Variants in TIMP2 observed in about 807,000 individuals in gnomAD.
TIMP2 encodes TIMP metallopeptidase inhibitor 2, also known as metalloproteinase inhibitor 2.
In TIMP2, 5 loss-of-function variants were observed where a neutral mutation model predicts 24.3. The observed-to-expected ratio is 0.21, with a 90% CI of 0.11 to 0.43. TIMP2 has a LOEUF of 0.43. Among genes scored for constraint, TIMP2 ranks in the 20% least tolerant of loss-of-function variants. TIMP2 has a pLI of 1.00. For missense variants in TIMP2, 221 were observed against 297.5 expected, an observed-to-expected ratio of 0.74 and a Z score of 1.89; for synonymous variants, 130 against 123.2, an observed-to-expected ratio of 1.06 and a Z score of -0.37.
At chr17:78,885,671 G>A (rs1338766291) in intron 1 of TIMP2, among the ~76,000 whole-genome samples, 1 of 152,056 alleles carries the variant, frequency 6.6e-6, no homozygotes, top group Non-Finnish European at 1.5e-5. Context: ...CTGGAAGCTG[G>A]GTGTGAGGGG....
intron 1 of TIMP2, chr17:78,898,218 G>C (rs1288216886): frequency 2.0e-5 from 3 of 152,214 alleles, no homozygotes; most frequent in Admixed American, 1.3e-4. Context: ...CTCACCATAG[G>C]AGGTGAGGCC....
chr17:78,853,304 G>T lies in TIMP2; in HGVS notation c.*2363C>A, dbSNP rs184967828. Reference sequence around the variant, plus strand: ...TGCTTGCAGGATGAAAATAGGAGAAGAGAGCTGTGCTTAGAACATAACATA... The same window carrying T: ...TGCTTGCAGGATGAAAATAGGAGAATAGAGCTGTGCTTAGAACATAACATA... On this transcript the variant is annotated 3_prime_UTR_variant, in exon 5 of 5. Transcript: ENST00000262768. 319 of 152,770 alleles carry T rather than the reference G, an allele frequency of 2.1e-3. 3 individuals are homozygous for T. The highest frequency in any genetic ancestry group is 6.2e-4 in the Non-Finnish European group (42 of 68,036). 9.5% of individuals were successfully genotyped at this position (152,770 alleles called of 1,614,324 possible).
chr17:78,878,793 C>G (rs2069752840), intron 1 of TIMP2, among the ~76,000 whole-genome samples: 1 of 152,150 alleles, frequency 6.6e-6, no homozygotes, highest in Non-Finnish European at 1.5e-5. Context: ...TCTCCATCTC[C>G]CCTGGGCTGC....
rs549153650 is a variant in TIMP2 at position 78,890,641 on chromosome 17, G to A, written c.131-16722C>T. On this transcript the variant is annotated intron_variant, in intron 1 of 4. Coordinates refer to ENST00000262768, the MANE Select transcript of TIMP2 (RefSeq NM_003255.5). ...ACCCCGGGTGGGCCTCTCGCATTTA[G>A]CATATGTTCTGAAACTCCCGCAAGC... 5.8e-6 allele frequency: 9 copies of A among 1,549,600 alleles called. No individual in the cohort carries two copies. The Admixed American group carries it at 7.8e-5, about 14-fold the overall frequency.
At chr17:78,865,802 A>C (rs2069608431) in intron 3 of TIMP2, among the ~76,000 whole-genome samples, 1 of 152,142 alleles carries the variant, frequency 6.6e-6, no homozygotes, top group Non-Finnish European at 1.5e-5. Context: ...GAACAAAAAC[A>C]AAAACAAACA....
intron 3 of TIMP2, 141 bp downstream of exon 3, chr17:78,870,757 G>C: frequency 1.8e-6 from 1 of 564,018 alleles, no homozygotes; most frequent in Non-Finnish European, 3.1e-6. Context: ...AAGTGGCCGA[G>C]AGGGCTCCGT....
At chr17:78,890,172 G>C (rs919647564) in intron 1 of TIMP2, among the ~76,000 whole-genome samples, 1 of 151,092 alleles carries the variant, frequency 6.6e-6, no homozygotes, top group Non-Finnish European at 1.5e-5. Flanking sequence ...GTGAGGGAAT[G>C]TGCCCTGGAG....
intron 1 of TIMP2, among the ~76,000 whole-genome samples, chr17:78,902,969 C>T (rs1258165144): frequency 6.6e-6 from 1 of 152,252 alleles, no homozygotes; most frequent in Non-Finnish European, 1.5e-5. Flanking sequence ...GACTTTGCCG[C>T]TGGCCTTGCG....
At chr17:78,866,408 T>TAA (rs1408099295) in intron 3 of TIMP2, among the ~76,000 whole-genome samples, 4 of 152,090 alleles carry the variant, frequency 2.6e-5, no homozygotes, top group African/African-American at 9.6e-5. Flanking sequence ...TTTCTTATTG[T>TAA]AAAAATCATA....
intron 1 of TIMP2, among the ~76,000 whole-genome samples, chr17:78,909,721 C>T (rs573606256): frequency 3.0e-4 from 45 of 152,290 alleles, no homozygotes; most frequent in African/African-American, 1.1e-3. Flanking sequence ...ATGCTCTAGA[C>T]GTGCAGCGTC....
At chr17:78,908,164 C>T (rs1300657423) in intron 1 of TIMP2, among the ~76,000 whole-genome samples, 1 of 152,038 alleles carries the variant, frequency 6.6e-6, no homozygotes, top group East Asian at 1.9e-4. Context: ...AAAAGCTATA[C>T]CATGTGATGT....
At chr17:78,907,768 G>A (rs2070174060) in intron 1 of TIMP2, among the ~76,000 whole-genome samples, 1 of 152,136 alleles carries the variant, frequency 6.6e-6, no homozygotes, top group Non-Finnish European at 1.5e-5. Flanking sequence ...GTGCACCCAT[G>A]GAATTCATGT....
Position 78,924,938 on chromosome 17 carries a change from G to T in TIMP2, c.130+21C>A. ...GGGGGAGGTGGGGCCCCGCGCGGGG[G>T]CTGGGGTCGCCGCTCCTTACCTACA... On this transcript the variant is annotated intron_variant, in intron 1 of 4. Transcript: ENST00000262768. This position sits in a 1 kb window ranked among gnomAD's most constrained non-coding sequence, Gnocchi z 5.3. 2 of 1,238,776 alleles carry T rather than the reference G, an allele frequency of 1.6e-6. No homozygotes were observed. Among genetic ancestry groups the T allele is most frequent in the Non-Finnish European group, 2.0e-6 (2 of 980,842 alleles). The allele number at this position is 1,238,776 out of a possible 1,614,324, so 76.7% of individuals were successfully genotyped here.
chr17:78,922,347 G>C (rs1026639920), intron 1 of TIMP2: 34 of 152,336 alleles, frequency 2.2e-4, no homozygotes, highest in African/African-American at 8.2e-4. Context: ...AGGGTGACTG[G>C]GAATAAGAGA....
chr17:78,879,308 G>A (rs775886505), intron 1 of TIMP2, among the ~76,000 whole-genome samples: 1 of 152,202 alleles, frequency 6.6e-6, no homozygotes, highest in Non-Finnish European at 1.5e-5. Context: ...TCCGCACTCT[G>A]AGCTCCAGGA....
At chr17:78,919,092 C>T (rs1430760111) in intron 1 of TIMP2, among the ~76,000 whole-genome samples, 3 of 152,250 alleles carry the variant, frequency 2.0e-5, no homozygotes, top group African/African-American at 7.2e-5. Context: ...GACGACTGGT[C>T]TATGCCAACT....
At chr17:78,892,284 G>A in intron 1 of TIMP2, 1 of 1,550,752 alleles carries the variant, frequency 6.4e-7, no homozygotes, top group Non-Finnish European at 8.7e-7. Flanking sequence ...CTCCAAAGCA[G>A]GTCTTCGTTA....
intron 1 of TIMP2, among the ~76,000 whole-genome samples, chr17:78,881,156 AG>A (rs1460771151): frequency 6.6e-6 from 1 of 152,190 alleles, no homozygotes; most frequent in African/African-American, 2.4e-5. Flanking sequence ...TCGGACTGGG[AG>A]GGTTTGCTCA....
At chr17:78,918,878 G>A (rs138041985) in intron 1 of TIMP2, among the ~76,000 whole-genome samples, 2,890 of 151,920 alleles carry the variant, frequency 0.019, 48 homozygotes, top group Non-Finnish European at 0.028. Flanking sequence ...CTGCTTGGGA[G>A]ACTGAGGTGG....
Sources: allele counts gnomAD v4.1 joint callset (sites outside exome capture counted in the v4.1 genomes callset), GRCh38; gene constraint gnomAD v4.1.1; non-coding constraint Gnocchi (gnomAD v3.1); transcripts MANE v1.5; gene names NCBI Gene and HGNC (gene_info 2026-07-23, HGNC 2026-07-21).